YPEL4: variants seen among roughly 807,000 people sequenced by gnomAD.
YPEL4 encodes yippee like 4, also known as protein yippee-like 4.
In YPEL4, 5 loss-of-function variants were observed where a neutral mutation model predicts 16.3. The observed-to-expected ratio is 0.31, with a 90% CI of 0.16 to 0.64. The LOEUF (loss-of-function observed/expected upper bound fraction) is 0.64. YPEL4 is among the 30% of genes least tolerant of loss of function. YPEL4 has a pLI of 0.79. For synonymous variants in YPEL4, 61 were observed against 60.7 expected, an observed-to-expected ratio of 1.00 and a Z score of -0.02; for missense variants, 127 against 170.0, an observed-to-expected ratio of 0.75 and a Z score of 1.41.
In YPEL4 at chr11:57,645,616, CTG is replaced by C; in HGVS notation, c.*363_*364del. 4.1e-6 allele frequency: 1 copy of C among 241,006 alleles called. No individual in the cohort carries two copies. The highest frequency in any genetic ancestry group is 8.1e-6 in the Non-Finnish European group (1 of 122,818). The allele number at this position is 241,006 out of a possible 1,614,324, so 14.9% of individuals were successfully genotyped here. A position where few individuals can be genotyped will look rare whatever the true frequency, so the allele number is the denominator to read the frequency against. On this transcript the variant is annotated 3_prime_UTR_variant, in exon 5 of 5. Transcript: ENST00000300022. ...TGCCCTGTGACCCAAGGTTTGTCCT[CTG>C]TTCACTCAAAAAGAGGTGGAGCAAA...
chr11:57,648,208 C>G (rs573815993), intron 1 of YPEL4: 1 of 152,336 alleles, frequency 6.6e-6, no homozygotes, highest in African/African-American at 2.4e-5. Flanking sequence ...AGAAGGGGGA[C>G]TCTTATTTTT....
Position 57,645,092 on chromosome 11 carries a change from T to C in YPEL4, c.*889A>G, listed in dbSNP as rs1945715425. 1 of 152,164 alleles carries C rather than the reference T, an allele frequency of 6.6e-6. No individual in the cohort carries two copies. Among genetic ancestry groups the C allele is most frequent in the African/African-American group, 2.4e-5 (1 of 41,440 alleles). 9.4% of individuals were successfully genotyped at this position (152,164 alleles called of 1,614,324 possible). A position where few individuals can be genotyped will look rare whatever the true frequency, so the allele number is the denominator to read the frequency against. On this transcript the variant is annotated 3_prime_UTR_variant, in exon 5 of 5. Transcript: ENST00000300022. ...AAGTCAGAGGACAGGTTGCCTCAAG[T>C]TGCTTTTTCCCTTTTTATTAAAAAT...
At chr11:57,648,782 G>A (rs916142501) in intron 1 of YPEL4, 4 of 152,522 alleles carry the variant, frequency 2.6e-5, no homozygotes, top group Admixed American at 6.5e-5. Context: ...ATTGGGCTCC[G>A]GCTGCAGGAA....
rs531526117 is a variant in YPEL4, at chr11:57,646,219, ACCTGACATGGTCACTGGTGCTTGAAGGG to A, written c.294+50_294+77del. 826 of 1,577,680 alleles carry A rather than the reference ACCTGACATGGTCACTGGTGCTTGAAGGG, an allele frequency of 5.2e-4. 8 individuals carry two copies. The African/African-American group carries it at 0.01, about 20-fold the overall frequency. On this transcript the variant is annotated intron_variant, in intron 4 of 4. Transcript: ENST00000300022. Reference sequence around the variant, plus strand: ...TCCTCTTTGGACCATGCAAGGAAGGACCTGACATGGTCACTGGTGCTTGAAGGGCCATGGGGACTGCCACTTTAGAGGG... The same window carrying A: ...TCCTCTTTGGACCATGCAAGGAAGGACCATGGGGACTGCCACTTTAGAGGG...
rs370368614 is a variant in YPEL4, at chr11:57,649,714, ATCTCTCTCTC to A, written c.-224_-215del. On this transcript the variant is annotated 5_prime_UTR_variant, in exon 1 of 5. Coordinates refer to ENST00000300022, the MANE Select transcript of YPEL4 (RefSeq NM_145008.3). ...AGGTCTGCTCCAGAGATCTCCGTCT[ATCTCTCTCTC>A]TCTCTCTCAATCTCTCAATCTCTCT... 7.2e-6 allele frequency: 1 copy of A among 138,374 alleles called. No homozygotes were observed. The highest frequency in any genetic ancestry group is 1.5e-5 in the Non-Finnish European group (1 of 64,670). The allele number at this position is 138,374 out of a possible 1,614,324, so 8.6% of individuals were successfully genotyped here.
At chr11:57,646,912 T>C (rs1945736672) in intron 2 of YPEL4, 55 bp downstream of exon 2, 1 of 1,581,624 alleles carries the variant, frequency 6.3e-7, no homozygotes, top group African/African-American at 1.3e-5. Flanking sequence ...TGGGTGATGT[T>C]CAGGCTAGCC....
Position 57,646,082 on chromosome 11 carries a change from GAAAGCAGTGATTGTAGGAC to G in YPEL4, c.295-31_295-13del, listed in dbSNP as rs769800572. 1.7e-5 allele frequency: 28 copies of G among 1,613,850 alleles called. No homozygotes were observed. In the African/African-American group the frequency reaches 3.5e-4, roughly 20 times the overall value. On this transcript the variant is annotated splice_polypyrimidine_tract_variant and intron_variant, in intron 4 of 4. Coordinates refer to ENST00000300022, the MANE Select transcript of YPEL4 (RefSeq NM_145008.3). ...TCAAAAGCTTGCTCCTGGTGAAGGA[GAAAGCAGTGATTGTAGGAC>G]AAAGCAGTTTCCTTCCAGGCCCCAC...
chr11:57,646,746 C>T lies in YPEL4; in HGVS notation c.185+5G>A. 1 of 1,613,860 alleles carries T rather than the reference C, an allele frequency of 6.2e-7. No homozygotes were observed. The highest frequency in any genetic ancestry group is 8.5e-7 in the Non-Finnish European group (1 of 1,179,922). ...GCACACGCACAAGGAAAGAGGTAGA[C>T]TCACACGGAGTTAAACAGGTAGGCT... On this transcript the variant is annotated splice_donor_5th_base_variant and intron_variant, in intron 3 of 4. Transcript: ENST00000300022.
At chr11:57,648,324 T>C (rs1945756036) in intron 1 of YPEL4, 1 of 152,234 alleles carries the variant, frequency 6.6e-6, no homozygotes, top group Non-Finnish European at 1.5e-5. Flanking sequence ...ATGAAGTAAT[T>C]GCTGGGTTCT....
Position 57,645,826 on chromosome 11 carries a change from G to A in YPEL4, c.*155C>T. 5.8e-6 allele frequency: 4 copies of A among 692,354 alleles called. No homozygotes were observed. The highest frequency in any genetic ancestry group is 2.7e-5 in the East Asian group (1 of 37,024). The allele number at this position is 692,354 out of a possible 1,614,324, so 42.9% of individuals were successfully genotyped here. On this transcript the variant is annotated 3_prime_UTR_variant, in exon 5 of 5. Transcript: ENST00000300022. ...TACCCCCAGACCCCTGTTCTAAAGG[G>A]TGCCTGGTAGTGGATATGGTGGAGG...
chr11:57,647,154 G>T lies in YPEL4; in HGVS notation c.-47C>A. On this transcript the variant is annotated 5_prime_UTR_variant, in exon 2 of 5. Transcript: ENST00000300022. This position sits in a 1 kb window ranked among gnomAD's most constrained non-coding sequence, Gnocchi z 4.2. Reference sequence around the variant, plus strand: ...CTGGTGGGCTGGAGGGGCTGGCGCCGTGCAGCCCCCGCAGAGACGGTCGCA... The same window carrying T: ...CTGGTGGGCTGGAGGGGCTGGCGCCTTGCAGCCCCCGCAGAGACGGTCGCA... 5 of 1,507,900 alleles carry T rather than the reference G, an allele frequency of 3.3e-6. No homozygotes were observed. The highest frequency in any genetic ancestry group is 4.4e-6 in the Non-Finnish European group (5 of 1,131,168). 93.4% of individuals were successfully genotyped at this position (1,507,900 alleles called of 1,614,324 possible).
chr11:57,646,129 T>A, intron 4 of YPEL4, 59 bp from the exon 5 acceptor site: 1 of 1,594,792 alleles, frequency 6.3e-7, no homozygotes, highest in Non-Finnish European at 8.6e-7. Context: ...GGCCCCACTG[T>A]CACCTGTATG....
Position 57,645,747 on chromosome 11 carries a change from C to T in YPEL4, c.*234G>A, listed in dbSNP as rs973768857. The T allele has an allele frequency of 1.9e-6, 1 of 539,996 alleles. No homozygotes were observed. The highest frequency in any genetic ancestry group is 1.9e-5 in the African/African-American group (1 of 53,100). The allele number at this position is 539,996 out of a possible 1,614,324, so 33.5% of individuals were successfully genotyped here. A position where few individuals can be genotyped will look rare whatever the true frequency, so the allele number is the denominator to read the frequency against. On this transcript the variant is annotated 3_prime_UTR_variant, in exon 5 of 5. Transcript: ENST00000300022. ...AAGACCCACAACCATCCCTTTCCCCCAGTTCTGTCTCTCCCTGACTGCTGC... is the reference window on the plus strand; with the variant it reads ...AAGACCCACAACCATCCCTTTCCCCTAGTTCTGTCTCTCCCTGACTGCTGC...
At chr11:57,646,588 G>A (rs1443000072) in intron 3 of YPEL4, 163 bp downstream of exon 3, 38 of 1,236,568 alleles carry the variant, frequency 3.1e-5, no homozygotes, top group Non-Finnish European at 4.1e-5. Context: ...ATTCTCCCCC[G>A]GCTCCCCATG....
In YPEL4 at chr11:57,645,655, C is replaced by T. The variant is rs1456783020; in HGVS notation, c.*326G>A. On this transcript the variant is annotated 3_prime_UTR_variant, in exon 5 of 5. Transcript: ENST00000300022. ...AGAGGTGGAGCAAAAACGGATTCCT[C>T]CCACAATCCTCTCTGCCTGAGTCTA... 4 of 311,760 alleles carry T rather than the reference C, an allele frequency of 1.3e-5. No homozygotes were observed. The highest frequency in any genetic ancestry group is 1.2e-4 in the East Asian group (2 of 16,560). 19.3% of individuals were successfully genotyped at this position (311,760 alleles called of 1,614,324 possible). A position where few individuals can be genotyped will look rare whatever the true frequency, so the allele number is the denominator to read the frequency against.
intron 3 of YPEL4, 85 bp downstream of exon 3, chr11:57,646,666 A>C (rs1402172677): frequency 5.1e-6 from 8 of 1,566,940 alleles, no homozygotes; most frequent in Non-Finnish European, 7.0e-6. Context: ...AGATCACCTG[A>C]TGGATTCCCC....
chr11:57,646,170 C>T, intron 4 of YPEL4, 100 bp from the exon 5 acceptor site: 1 of 1,562,078 alleles, frequency 6.4e-7, no homozygotes. Context: ...CCACCTAGCC[C>T]AACCCAGTGA....
chr11:57,646,566 G>A (rs1406486745), intron 3 of YPEL4, 161 bp from the exon 4 acceptor site: 6 of 1,202,504 alleles, frequency 5.0e-6, no homozygotes, highest in African/African-American at 3.0e-5. Flanking sequence ...TTTTTCCACC[G>A]TTATGATTTC....
chr11:57,646,434 A>G, intron 3 of YPEL4, 29 bp from the exon 4 acceptor site: 3 of 1,613,058 alleles, frequency 1.9e-6, no homozygotes, highest in Non-Finnish European at 2.5e-6. Flanking sequence ...AGGACCCAGC[A>G]CCCAGTGGGG....
Sources: gnomAD v4.1 joint callset for allele counts on GRCh38, gnomAD v4.1.1 for gene constraint, Gnocchi (gnomAD v3.1) non-coding constraint, MANE v1.5 for transcripts, NCBI Gene and HGNC (gene_info 2026-07-23, HGNC 2026-07-21) for gene names.